The following INO80D variants were observed in gnomAD, a reference collection of about 807,000 sequenced individuals.
INO80D encodes INO80 complex subunit D.
INO80D carries 21 observed loss-of-function variants against 87.6 expected under a neutral mutation model. The observed-to-expected ratio is 0.24, with a 90% confidence interval of 0.17 to 0.35. The LOEUF (loss-of-function observed/expected upper bound fraction) is 0.35, where lower values mean the gene tolerates loss of function less well. Ranked by LOEUF, INO80D falls within the 10% of genes least tolerant of loss-of-function variation. INO80D has a pLI of 1.00. For synonymous variants in INO80D, 440 were observed against 491.0 expected (o/e 0.90, Z 1.37); for missense variants, 982 against 1,280.7 (o/e 0.77, Z 3.56).
chr2:206,005,151 G>A lies in INO80D; in HGVS notation c.2301C>T (p.Ala767=). ...SAPANVGLTS[A]TLISQSALGE... ...CAAGTGCACTCTGGCTGATCAGAGT[G>A]GCAGAAGTAAGGCCAACGTTGGCTG... is the stretch of plus-strand genomic sequence containing the variant. The change falls in exon 11 of 11, where the codon GCC becomes GCT. Residue 767 remains alanine, a synonymous_variant. Coordinates refer to ENST00000403263, the MANE Select transcript of INO80D (RefSeq NM_017759.5). 1 of 1,614,034 alleles carries A rather than the reference G, an allele frequency of 6.2e-7. No homozygotes were observed. Among genetic ancestry groups the A allele is most frequent in the Non-Finnish European group, 8.5e-7 (1 of 1,179,896 alleles).
intron 1 of INO80D, among the ~76,000 whole-genome samples, chr2:206,084,323 C>T (rs927361746): frequency 6.6e-6 from 1 of 151,660 alleles, no homozygotes; most frequent in African/African-American, 2.4e-5. Flanking sequence ...TTCCACAGAC[C>T]CTTCTGAGTT....
chr2:206,071,021 G>A (rs1368959270), intron 1 of INO80D, among the ~76,000 whole-genome samples: 1 of 151,202 alleles, frequency 6.6e-6, no homozygotes, highest in Non-Finnish European at 1.5e-5. Context: ...GCAATGGCAC[G>A]ATCTCAGCTC....
At chr2:206,076,525 A>G (rs530356181) in intron 1 of INO80D, among the ~76,000 whole-genome samples, 1 of 152,358 alleles carries the variant, frequency 6.6e-6, no homozygotes, top group East Asian at 1.9e-4. Context: ...AACTGATGTG[A>G]CTGGAAGAGA....
rs1376518785 is a variant in INO80D, at chr2:205,999,858, A to T, written c.*4510T>A. On this transcript the variant is annotated 3_prime_UTR_variant, in exon 11 of 11. Coordinates refer to ENST00000403263, the MANE Select transcript of INO80D (RefSeq NM_017759.5). ...CCAGAATATAGGAAAATGTATAAAG[A>T]TGTTAAGACATTATTAAACTGTTTT... 6.6e-6 allele frequency: 1 copy of T among 152,214 alleles called. No homozygotes were observed. Among genetic ancestry groups the T allele is most frequent in the African/African-American group, 2.4e-5 (1 of 41,458 alleles). 9.4% of individuals were successfully genotyped at this position (152,214 alleles called of 1,614,324 possible). A position where few individuals can be genotyped will look rare whatever the true frequency, so the allele number is the denominator to read the frequency against.
chr2:206,071,244 C>CG (rs761234996), intron 1 of INO80D, among the ~76,000 whole-genome samples: 2 of 18 alleles, frequency 0.11, 1 homozygote, highest in Non-Finnish European at 0.5. Context: ...CAGGCATAAG[C>CG]ACCACGCCCG....
chr2:206,081,838 A>G lies in INO80D; in HGVS notation c.-124+4063T>C, dbSNP rs190064737. On this transcript the variant is annotated intron_variant, in intron 1 of 10. Transcript: ENST00000403263. ...GAATTAACATTTAATTAATACTATTATGGGCCAAACACATGGCTATCTCAT... is the reference window on the plus strand; with the variant it reads ...GAATTAACATTTAATTAATACTATTGTGGGCCAAACACATGGCTATCTCAT... Among the ~76,000 whole-genome samples, 459 of 152,210 alleles carry G rather than the reference A, an allele frequency of 3.0e-3. 3 individuals carry two copies. The highest frequency in any genetic ancestry group is 4.8e-3 in the Non-Finnish European group (328 of 67,996).
intron 3 of INO80D, among the ~76,000 whole-genome samples, chr2:206,061,156 C>T (rs1333132196): frequency 6.6e-6 from 1 of 152,022 alleles, no homozygotes; most frequent in Admixed American, 6.6e-5. Flanking sequence ...GGACTCTAGG[C>T]GTGTACCACT....
Position 206,004,065 on chromosome 2 carries a change from G to T in INO80D, c.*303C>A. 2.4e-6 allele frequency: 1 copy of T among 419,220 alleles called. No individual in the cohort carries two copies. The highest frequency in any genetic ancestry group is 4.4e-5 in the East Asian group (1 of 22,986). 26.0% of individuals were successfully genotyped at this position (419,220 alleles called of 1,614,324 possible). On this transcript the variant is annotated 3_prime_UTR_variant, in exon 11 of 11. Transcript: ENST00000403263. This position sits in a 1 kb window ranked among gnomAD's most constrained non-coding sequence, Gnocchi z 4.9. ...TAGTAAAGGGCACTGGTATTCTGAG[G>T]TATCTTCCACTTCTAGGACTTGCTG...
chr2:206,075,061 CTT>C (rs1303383931), intron 1 of INO80D, among the ~76,000 whole-genome samples: 1 of 111,136 alleles, frequency 9.0e-6, no homozygotes, highest in Non-Finnish European at 1.9e-5. Flanking sequence ...AAAAATTCCT[CTT>C]TGATATTATA....
chr2:206,028,032 G>T, intron 6 of INO80D, 79 bp downstream of exon 6: 2 of 977,438 alleles, frequency 2.0e-6, no homozygotes, highest in African/African-American at 1.6e-5. Flanking sequence ...ATCTCCCACT[G>T]TGCCTCAACT....
At chr2:206,017,515 A>G (rs893626382) in intron 8 of INO80D, among the ~76,000 whole-genome samples, 165 bp downstream of exon 8, 1 of 152,238 alleles carries the variant, frequency 6.6e-6, no homozygotes, top group Non-Finnish European at 1.5e-5. Context: ...TGCTATGTAT[A>G]AGATACATAT....
rs553525974 is a variant in INO80D, at chr2:205,999,574, T to G, written c.*4794A>C. The G allele has an allele frequency of 5.3e-5, 8 of 152,236 alleles. No homozygotes were observed. In the South Asian group the frequency reaches 1.7e-3, roughly 32 times the overall value. 9.4% of individuals were successfully genotyped at this position (152,236 alleles called of 1,614,324 possible). A position where few individuals can be genotyped will look rare whatever the true frequency, so the allele number is the denominator to read the frequency against. On this transcript the variant is annotated 3_prime_UTR_variant, in exon 11 of 11. Transcript: ENST00000403263. The stretch of plus-strand genomic sequence containing the variant: ...AAAACTAACAAAAAAAAATAAGGGC[T>G]GAAGTGAAAACAGAATTTTTGCTAT...
At chr2:206,063,422 T>TG (rs1689737240) in intron 1 of INO80D, 178 bp from the exon 2 acceptor site, 1 of 222,412 alleles carries the variant, frequency 4.5e-6, no homozygotes, top group African/African-American at 2.3e-5. Flanking sequence ...TTAAGTTGGC[T>TG]GGGCGCCGTG....
intron 1 of INO80D, among the ~76,000 whole-genome samples, chr2:206,084,213 A>T (rs1052019284): frequency 7.4e-5 from 11 of 148,118 alleles, no homozygotes; most frequent in African/African-American, 2.5e-4. Flanking sequence ...ATACACATAT[A>T]TTTTTTTTTC....
intron 10 of INO80D, among the ~76,000 whole-genome samples, chr2:206,005,863 T>C (rs572958215): frequency 3.3e-5 from 5 of 152,320 alleles, no homozygotes; most frequent in African/African-American, 1.2e-4. Context: ...ATACGTGTTT[T>C]TAACCTAAAA....
intron 9 of INO80D, among the ~76,000 whole-genome samples, chr2:206,008,824 A>C (rs1333277322): frequency 6.6e-6 from 1 of 152,242 alleles, no homozygotes; most frequent in Non-Finnish European, 1.5e-5. Flanking sequence ...AATGCTTTTT[A>C]GTAGAATTTC....
intron 4 of INO80D, among the ~76,000 whole-genome samples, chr2:206,050,209 A>G (rs927746320): frequency 6.8e-6 from 1 of 147,958 alleles, no homozygotes; most frequent in South Asian, 2.2e-4. Context: ...TGATTTAAAA[A>G]TTGCTGGGCA....
chr2:206,007,831 AAC>A (rs1491372184), intron 9 of INO80D: 114 of 113,562 alleles, frequency 1.0e-3, no homozygotes, highest in Middle Eastern at 4.3e-3. Context: ...CAAAAAAAAA[AAC>A]AACCAAAATC....
rs1689710025 is a variant in INO80D, at chr2:206,062,309, T to C, written c.218+490A>G. Among the ~76,000 whole-genome samples, 1 of 152,196 alleles carries C rather than the reference T, an allele frequency of 6.6e-6. No individual in the cohort carries two copies. Among genetic ancestry groups the C allele is most frequent in the Non-Finnish European group, 1.5e-5 (1 of 68,034 alleles). On this transcript the variant is annotated intron_variant, in intron 3 of 10. Transcript: ENST00000403263. The surrounding 1 kb of genome is among the most constrained non-coding windows in gnomAD (Gnocchi z 4.6). ...TTTTTAAAATTTTCTTCAGTAAGTA[T>C]ATATCCTTTACTAACTTCTAGGCAT... is the stretch of plus-strand genomic sequence containing the variant.
Sources: allele counts gnomAD v4.1 joint callset (sites outside exome capture counted in the v4.1 genomes callset), GRCh38; gene constraint gnomAD v4.1.1; non-coding constraint Gnocchi (gnomAD v3.1); transcripts MANE v1.5; gene names NCBI Gene and HGNC (gene_info 2026-07-23, HGNC 2026-07-21).